The following RALYL variants were observed in gnomAD, a reference collection of about 807,000 sequenced individuals.
RALYL encodes RALY RNA binding protein like, also known as RNA-binding Raly-like protein.
Under a neutral mutation model 35.1 loss-of-function variants are expected in RALYL, and 29 were observed. That is an observed-to-expected ratio of 0.83 (90% confidence interval 0.61 to 1.13). RALYL has a LOEUF of 1.13. RALYL is among the 50% of genes most tolerant of loss of function. RALYL has a pLI of 0.00. For missense variants in RALYL, 359 were observed against 360.4 expected, an observed-to-expected ratio of 1.00 and a Z score of 0.03; for synonymous variants, 120 against 127.6, an observed-to-expected ratio of 0.94 and a Z score of 0.40.
chr8:84,679,848 T>A, intron 2 of RALYL: 1 of 373,574 alleles, frequency 2.7e-6, no homozygotes, highest in Non-Finnish European at 5.2e-6. Context: ...TCTTTATTTT[T>A]TTTCTTTTTT....
intron 1 of RALYL, among the ~76,000 whole-genome samples, chr8:84,527,862 A>G (rs929316477): frequency 5.3e-5 from 8 of 152,134 alleles, no homozygotes; most frequent in Non-Finnish European, 1.0e-4. Context: ...TGTTTATTAA[A>G]CTGATCTTCA....
At chr8:84,861,455 G>A (rs182052323) in intron 5 of RALYL, among the ~76,000 whole-genome samples, 1 of 152,162 alleles carries the variant, frequency 6.6e-6, no homozygotes, top group East Asian at 1.9e-4. Context: ...TCCTTTCATT[G>A]TTTAATGGAA....
chr8:84,506,990 G>A (rs2057224016), intron 1 of RALYL, among the ~76,000 whole-genome samples: 1 of 151,994 alleles, frequency 6.6e-6, no homozygotes, highest in African/African-American at 2.4e-5. Context: ...CTGTCATCTA[G>A]CTGGCACTTA....
chr8:84,389,895 T>C (rs1192802599), intron 1 of RALYL, among the ~76,000 whole-genome samples: 1 of 151,474 alleles, frequency 6.6e-6, no homozygotes, highest in Non-Finnish European at 1.5e-5. Context: ...ATAGGAGTGG[T>C]GAGAGAGGGC....
chr8:84,685,168 A>G (rs1162386184), intron 2 of RALYL, among the ~76,000 whole-genome samples: 6 of 152,182 alleles, frequency 3.9e-5, no homozygotes, highest in African/African-American at 1.2e-4. Context: ...ATGGGAATGT[A>G]TTGAGACACA....
intron 2 of RALYL, among the ~76,000 whole-genome samples, chr8:84,605,324 A>G (rs1816870850): frequency 6.6e-6 from 1 of 152,120 alleles, no homozygotes; most frequent in Admixed American, 6.6e-5. Context: ...TTTTATTTAC[A>G]AACATTAATA....
At chr8:84,274,592 A>G (rs1355508362) in intron 1 of RALYL, among the ~76,000 whole-genome samples, 2 of 152,188 alleles carry the variant, frequency 1.3e-5, no homozygotes, top group Non-Finnish European at 2.9e-5. Flanking sequence ...TTAAATAAAT[A>G]CCAGAGGTGA....
intron 4 of RALYL, among the ~76,000 whole-genome samples, chr8:84,838,511 C>T (rs1450193207): frequency 6.6e-6 from 1 of 152,166 alleles, no homozygotes; most frequent in Non-Finnish European, 1.5e-5. Flanking sequence ...AAGCCCAAAC[C>T]ATTAAGACAA....
chr8:84,539,384 A>G (rs148642291), intron 2 of RALYL, among the ~76,000 whole-genome samples: 183 of 152,232 alleles, frequency 1.2e-3, no homozygotes, highest in South Asian at 2.1e-3. Flanking sequence ...CCTTCTAAAA[A>G]TGAATTTAGA....
intron 1 of RALYL, among the ~76,000 whole-genome samples, chr8:84,494,010 T>C (rs1310109650): frequency 1.3e-5 from 2 of 152,162 alleles, no homozygotes; most frequent in East Asian, 3.9e-4. Flanking sequence ...TTGCCTAGGT[T>C]TTCTTCTAGG....
intron 1 of RALYL, among the ~76,000 whole-genome samples, chr8:84,369,867 C>G (rs952820384): frequency 7.9e-5 from 12 of 152,010 alleles, no homozygotes; most frequent in African/African-American, 2.7e-4. Flanking sequence ...ATTTAGGCAT[C>G]AAATCAGTTA....
At chr8:84,641,122 A>G (rs183292970) in intron 2 of RALYL, among the ~76,000 whole-genome samples, 1 of 151,472 alleles carries the variant, frequency 6.6e-6, no homozygotes, top group East Asian at 1.9e-4. Context: ...TAAAATTATT[A>G]TCTTTTCTTT....
At chr8:84,461,710 G>A (rs1230424957) in intron 1 of RALYL, among the ~76,000 whole-genome samples, 3 of 151,696 alleles carry the variant, frequency 2.0e-5, no homozygotes, top group Non-Finnish European at 4.4e-5. Flanking sequence ...AAAAGTTGAT[G>A]TTTAATGTAT....
At chr8:84,587,705 T>C (rs1013829380) in intron 2 of RALYL, among the ~76,000 whole-genome samples, 4 of 152,128 alleles carry the variant, frequency 2.6e-5, no homozygotes, top group African/African-American at 9.7e-5. Context: ...TTATATGAAT[T>C]AAAAACATGT....
chr8:84,477,748 T>C (rs1212225831), intron 1 of RALYL, among the ~76,000 whole-genome samples: 2 of 151,696 alleles, frequency 1.3e-5, no homozygotes, highest in African/African-American at 4.8e-5. Context: ...TACCATTTTA[T>C]CCTGATCCTT....
intron 3 of RALYL, among the ~76,000 whole-genome samples, chr8:84,799,928 C>G (rs1178745545): frequency 6.6e-6 from 1 of 152,112 alleles, no homozygotes. Context: ...TGCACTCCAG[C>G]CTGCCTGGGC....
chr8:84,832,054 T>C (rs1831039874), intron 4 of RALYL, among the ~76,000 whole-genome samples: 1 of 152,124 alleles, frequency 6.6e-6, no homozygotes, highest in South Asian at 2.1e-4. Flanking sequence ...AAATCTTCAA[T>C]ATTTTAAAAT....
Position 84,519,758 on chromosome 8 carries a change from T to A in RALYL, c.-23-9541T>A, listed in dbSNP as rs533539114. 2.0e-5 allele frequency among the ~76,000 whole-genome samples: 3 copies of A among 152,342 alleles called. No individual in the cohort carries two copies. In the South Asian group the frequency reaches 6.2e-4, roughly 32 times the overall value. On this transcript the variant is annotated intron_variant, in intron 1 of 8. Coordinates refer to ENST00000521268, the MANE Select transcript of RALYL (RefSeq NM_173848.7). ...AACAGGCACTAAAACAAGGGGATGA[T>A]ATGAATAAAGAATTAAAGTGTCACT...
intron 4 of RALYL, among the ~76,000 whole-genome samples, chr8:84,807,792 T>A (rs1458247199): frequency 6.6e-6 from 1 of 152,236 alleles, no homozygotes; most frequent in South Asian, 2.1e-4. Flanking sequence ...TTTCATATGT[T>A]TCTTGGCCAT....
Sources: allele counts gnomAD v4.1 joint callset (sites outside exome capture counted in the v4.1 genomes callset), GRCh38; gene constraint gnomAD v4.1.1; transcripts MANE v1.5; gene names NCBI Gene and HGNC (gene_info 2026-07-23, HGNC 2026-07-21).